BID: variants seen among roughly 807,000 people sequenced by gnomAD.
BID encodes the protein BH3-interacting domain death agonist.
In BID, 19 loss-of-function variants were observed where a neutral mutation model predicts 17.4. That is an observed-to-expected ratio of 1.09 (90% CI 0.76 to 1.60). BID has a LOEUF of 1.60. Among genes scored for constraint, BID ranks in the 40% most tolerant of loss-of-function variants. The pLI is 0.00. For synonymous variants in BID, 108 were observed against 102.8 expected (o/e 1.05, Z -0.31); for missense variants, 226 against 256.0 (o/e 0.88, Z 0.80).
chr22:17,739,147 T>A (rs1465861535), intron 4 of BID, among the ~76,000 whole-genome samples: 1 of 148,584 alleles, frequency 6.7e-6, no homozygotes, highest in Non-Finnish European at 1.5e-5. Context: ...GATTTAAGGT[T>A]CAGGTTTCCT....
intron 2 of BID, among the ~76,000 whole-genome samples, chr22:17,749,871 G>C (rs973684029): frequency 2.0e-5 from 3 of 152,226 alleles, no homozygotes; most frequent in Non-Finnish European, 2.9e-5. Flanking sequence ...GCGCGGTGTG[G>C]AGGGGCTGCA....
At chr22:17,761,592 C>G (rs1240453538) in intron 1 of BID, among the ~76,000 whole-genome samples, 1 of 151,998 alleles carries the variant, frequency 6.6e-6, no homozygotes, top group Non-Finnish European at 1.5e-5. Context: ...CCACCACGCC[C>G]GGCTAATTTT....
At chr22:17,759,246 C>CA (rs61124020) in intron 1 of BID, among the ~76,000 whole-genome samples, 45,853 of 114,618 alleles carry the variant, frequency 0.4, 8,738 homozygotes, top group East Asian at 0.75. Context: ...AAAAACAAAA[C>CA]AAAAAAAAAA....
chr22:17,762,263 G>A (rs1297055386), intron 1 of BID, among the ~76,000 whole-genome samples: 3 of 152,302 alleles, frequency 2.0e-5, no homozygotes, highest in East Asian at 1.9e-4. Flanking sequence ...TTGGGAGGCC[G>A]AGGCGGGTGG....
intron 1 of BID, among the ~76,000 whole-genome samples, chr22:17,755,514 G>T (rs1031507321): frequency 6.6e-6 from 1 of 152,070 alleles, no homozygotes; most frequent in Non-Finnish European, 1.5e-5. Flanking sequence ...AAAATAAAGG[G>T]TTTGGAGGCC....
At position 17,740,121 on chromosome 22, in the gene BID, G is replaced by A. The variant is rs763414907; in HGVS notation, c.224-633C>T. The A allele has an allele frequency of 4.1e-5, 65 of 1,597,454 alleles. No homozygotes were observed. In the Middle Eastern group the frequency reaches 5.0e-4, roughly 12 times the overall value. ...CATGAAGGCCACGCTCAACTGCCAC[G>A]CTCCCTGCCGCCTCCGTTTCTTCCT... On this transcript the variant is annotated intron_variant, in intron 3 of 5. Coordinates refer to ENST00000622694, the MANE Select transcript of BID (RefSeq NM_001196.4).
chr22:17,769,828 G>T lies in BID; in HGVS notation c.-59+4553C>A, dbSNP rs1487386888. On this transcript the variant is annotated intron_variant, in intron 1 of 5. Coordinates refer to ENST00000622694, the MANE Select transcript of BID (RefSeq NM_001196.4). The surrounding 1 kb of genome is among the most constrained non-coding windows in gnomAD (Gnocchi z 4.8). ...CCTTCCTGTCTCTAGGCAGATGCCA[G>T]CTGGTGCAGGAGCCACTCCCAGTCC... 1.3e-5 allele frequency among the ~76,000 whole-genome samples: 2 copies of T among 152,172 alleles called. No individual in the cohort carries two copies. Among genetic ancestry groups the T allele is most frequent in the African/African-American group, 4.8e-5 (2 of 41,432 alleles).
At chr22:17,766,217 C>T (rs573868590) in intron 1 of BID, among the ~76,000 whole-genome samples, 80 of 152,180 alleles carry the variant, frequency 5.3e-4, no homozygotes, top group African/African-American at 1.9e-3. Flanking sequence ...AGCCACTGCA[C>T]CTGGCCTGAA....
chr22:17,735,423 A>C lies in BID; in HGVS notation c.*157T>G, dbSNP rs2061412351. ...TGTAGATATTTTAAAGTGGGTTATA[A>C]GTTTAACATTGTCTTTAAAATAGAA... On this transcript the variant is annotated 3_prime_UTR_variant, in exon 6 of 6. Transcript: ENST00000622694. 1 of 765,430 alleles carries C rather than the reference A, an allele frequency of 1.3e-6. No individual in the cohort carries two copies. Among genetic ancestry groups the C allele is most frequent in the African/African-American group, 1.8e-5 (1 of 56,784 alleles). The allele number at this position is 765,430 out of a possible 1,614,324, so 47.4% of individuals were successfully genotyped here. A position where few individuals can be genotyped will look rare whatever the true frequency, so the allele number is the denominator to read the frequency against.
At position 17,773,657 on chromosome 22, in the gene BID, C is replaced by T. The variant is rs1458837507; in HGVS notation, c.-59+724G>A. On this transcript the variant is annotated intron_variant, in intron 1 of 5. Coordinates refer to ENST00000622694, the MANE Select transcript of BID (RefSeq NM_001196.4). This position sits in a 1 kb window ranked among gnomAD's most constrained non-coding sequence, Gnocchi z 4.4. ...AGCCGGCCCGGCCCCTCGCTGCCCA[C>T]CGAGCCATCATGACCCCAGCACCGC... 4.3e-6 allele frequency: 7 copies of T among 1,611,606 alleles called. No individual in the cohort carries two copies. Among genetic ancestry groups the T allele is most frequent in the Admixed American group, 3.3e-5 (2 of 60,006 alleles).
chr22:17,743,746 T>C, intron 3 of BID, 57 bp downstream of exon 3: 1 of 1,533,404 alleles, frequency 6.5e-7, no homozygotes, highest in Non-Finnish European at 8.8e-7. Context: ...GCTCCCTGAA[T>C]GTTACTGGCG....
At chr22:17,761,212 T>C (rs1302473139) in intron 1 of BID, among the ~76,000 whole-genome samples, 1 of 152,218 alleles carries the variant, frequency 6.6e-6, no homozygotes, top group Non-Finnish European at 1.5e-5. Flanking sequence ...ATCTGGACAG[T>C]TGTTTAAGGC....
intron 1 of BID, among the ~76,000 whole-genome samples, chr22:17,758,055 G>A (rs941618195): frequency 5.3e-5 from 8 of 152,166 alleles, no homozygotes; most frequent in Admixed American, 2.0e-4. Context: ...GACAGCACCC[G>A]GCTCCACAAG....
In BID at chr22:17,740,173, G is replaced by A. The variant is rs186707456; in HGVS notation, c.224-685C>T. 1,991 of 1,611,462 alleles carry A rather than the reference G, an allele frequency of 1.2e-3. 1 individual carries two copies. Among genetic ancestry groups the A allele is most frequent in the Non-Finnish European group, 1.6e-3 (1,897 of 1,179,372 alleles). On this transcript the variant is annotated intron_variant, in intron 3 of 5. Transcript: ENST00000622694. The stretch of plus-strand genomic sequence containing the variant: ...AGCACTTGCTGTGTTATTGTCTGAC[G>A]CCCCTGCCAGAAGGTAAGCTCCCTA...
At chr22:17,760,451 CAAAAAA>C (rs55817445) in intron 1 of BID, among the ~76,000 whole-genome samples, 1 of 30,750 alleles carries the variant, frequency 3.3e-5, no homozygotes, top group South Asian at 1.1e-3. Flanking sequence ...GACTCTGTCT[CAAAAAA>C]AAAAAAAAAA....
chr22:17,742,244 G>A (rs960804088), intron 3 of BID, among the ~76,000 whole-genome samples: 17 of 151,682 alleles, frequency 1.1e-4, no homozygotes, highest in African/African-American at 3.6e-4. Flanking sequence ...AGTCAACCCC[G>A]GTTTCTCAGT....
At chr22:17,753,303 T>C (rs2061555675) in intron 1 of BID, among the ~76,000 whole-genome samples, 1 of 152,122 alleles carries the variant, frequency 6.6e-6, no homozygotes, top group African/African-American at 2.4e-5. Context: ...CATGATCATA[T>C]GGGATAACAG....
At chr22:17,746,708 C>A (rs2061497246) in intron 2 of BID, among the ~76,000 whole-genome samples, 1 of 152,160 alleles carries the variant, frequency 6.6e-6, no homozygotes, top group African/African-American at 2.4e-5. Flanking sequence ...TGACTGGTGT[C>A]TTTGTAAGAG....
chr22:17,734,734 A>AG lies in BID; in HGVS notation c.*845dup, dbSNP rs2061407868. 6.6e-6 allele frequency: 1 copy of AG among 152,308 alleles called. No individual in the cohort carries two copies. The highest frequency in any genetic ancestry group is 1.5e-5 in the Non-Finnish European group (1 of 68,026). 9.4% of individuals were successfully genotyped at this position (152,308 alleles called of 1,614,324 possible). ...AAATTGGAAGTTTACAGCTATTACC[A>AG]GGGGGCTAACTCCCGGGGCATCGCA... On this transcript the variant is annotated 3_prime_UTR_variant, in exon 6 of 6. Transcript: ENST00000622694.
Sources: allele counts gnomAD v4.1 joint callset (sites outside exome capture counted in the v4.1 genomes callset), GRCh38; gene constraint gnomAD v4.1.1; non-coding constraint Gnocchi (gnomAD v3.1); transcripts MANE v1.5; gene names NCBI Gene and HGNC (gene_info 2026-07-23, HGNC 2026-07-21).